The following NAALADL2 variants were observed in gnomAD, a reference collection of about 807,000 sequenced individuals.
The protein encoded by NAALADL2 is N-acetylated alpha-linked acidic dipeptidase like 2, also known as inactive N-acetylated-alpha-linked acidic dipeptidase-like protein 2.
In NAALADL2, 76 loss-of-function variants were observed where a neutral mutation model predicts 87.2. The observed-to-expected ratio is 0.87, with a 90% confidence interval of 0.72 to 1.05. The LOEUF (loss-of-function observed/expected upper bound fraction) is 1.05, where lower values mean the gene tolerates loss of function less well. Among genes scored for constraint, NAALADL2 ranks in the 50% least tolerant of loss-of-function variants. The probability of loss-of-function intolerance (pLI) is 0.00; values close to 1 mark genes in which losing one functional copy is unlikely to be tolerated. For synonymous variants in NAALADL2, 354 were observed against 331.0 expected (o/e 1.07, Z -0.75); for missense variants, 1,089 against 945.8 (o/e 1.15, Z -1.99).
intron 1 of NAALADL2, among the ~76,000 whole-genome samples, chr3:174,522,695 G>A (rs1465644194): frequency 6.6e-6 from 1 of 151,934 alleles, no homozygotes; most frequent in Non-Finnish European, 1.5e-5. Context: ...AGCACTTTGA[G>A]AGGCTGAGGC....
At chr3:174,813,959 C>T (rs940282759) in intron 3 of NAALADL2, among the ~76,000 whole-genome samples, 1 of 152,068 alleles carries the variant, frequency 6.6e-6, no homozygotes, top group Non-Finnish European at 1.5e-5. Flanking sequence ...GCACTCCACC[C>T]CACAGACATA....
At chr3:175,371,580 T>C (rs1187320998) in intron 5 of NAALADL2, among the ~76,000 whole-genome samples, 1 of 152,116 alleles carries the variant, frequency 6.6e-6, no homozygotes, top group Non-Finnish European at 1.5e-5. Context: ...ATCCCAGCTC[T>C]TTGGGAGGCC....
At chr3:175,696,801 C>T (rs923526097) in intron 11 of NAALADL2, among the ~76,000 whole-genome samples, 1 of 152,118 alleles carries the variant, frequency 6.6e-6, no homozygotes, top group Admixed American at 6.6e-5. Flanking sequence ...AGTCCAAGAA[C>T]ATGGCACCAA....
At chr3:175,795,588 C>T (rs1052287736) in intron 13 of NAALADL2, among the ~76,000 whole-genome samples, 2 of 151,202 alleles carry the variant, frequency 1.3e-5, no homozygotes, top group Non-Finnish European at 2.9e-5. Flanking sequence ...GGGGCAGAGG[C>T]AGGAGAATGG....
At chr3:175,264,498 A>T (rs1374021804) in intron 4 of NAALADL2, among the ~76,000 whole-genome samples, 1 of 151,810 alleles carries the variant, frequency 6.6e-6, no homozygotes. Context: ...TTACAGACAA[A>T]GTATTAGTCT....
chr3:174,894,816 C>A (rs1731307855), intron 1 of NAALADL2, among the ~76,000 whole-genome samples: 1 of 151,656 alleles, frequency 6.6e-6, no homozygotes, highest in Admixed American at 6.6e-5. Context: ...CATTCAAAAA[C>A]CTGAAATAAT....
At chr3:175,510,665 C>CA (rs1360121791) in intron 9 of NAALADL2, among the ~76,000 whole-genome samples, 1 of 152,158 alleles carries the variant, frequency 6.6e-6, no homozygotes, top group African/African-American at 2.4e-5. Context: ...GGGAGACACT[C>CA]AGAGAAGTTA....
intron 2 of NAALADL2, among the ~76,000 whole-genome samples, chr3:174,632,706 C>T (rs907751798): frequency 5.9e-5 from 9 of 152,030 alleles, no homozygotes; most frequent in African/African-American, 1.9e-4. Flanking sequence ...GAGGCTGAGG[C>T]AGGCAGATTG....
At position 175,803,120 on chromosome 3, in the gene NAALADL2, G is replaced by T; in HGVS notation, c.2305G>T (p.Val769Leu). ...NETLQEALSEVLNSINSAQVY... is the reference protein window; with the variant it reads ...NETLQEALSELLNSINSAQVY... ...GACCCTTCAAGAAGCCCTGTCAGAGGTGTTGAACAGCATTAATTCAGCTCA... is the reference window on the plus strand; with the variant it reads ...GACCCTTCAAGAAGCCCTGTCAGAGTTGTTGAACAGCATTAATTCAGCTCA... The change falls in exon 14 of 14, where the codon GTG becomes TTG. Residue 769 changes from valine (V) to leucine (L), a missense_variant. By Grantham distance (32) the Val-to-Leu change is conservative. Transcript: ENST00000454872. 6.2e-7 allele frequency: 1 copy of T among 1,612,510 alleles called. No individual in the cohort carries two copies. Among genetic ancestry groups the T allele is most frequent in the Non-Finnish European group, 8.5e-7 (1 of 1,179,010 alleles).
At chr3:175,128,499 C>T (rs1473314699) in intron 2 of NAALADL2, among the ~76,000 whole-genome samples, 2 of 152,080 alleles carry the variant, frequency 1.3e-5, no homozygotes, top group Non-Finnish European at 2.9e-5. Context: ...ATCCTATGGC[C>T]TGCTGAGATT....
Position 175,234,021 on chromosome 3 carries a change from A to G in NAALADL2, c.636A>G (p.Val212=). The change falls in exon 3 of 14, where the codon GTA becomes GTG. Residue 212 remains valine (V), a synonymous_variant. Coordinates refer to ENST00000454872, the MANE Select transcript of NAALADL2 (RefSeq NM_207015.3). The part of the protein sequence containing the change: ...TQWTSLGLED[V]QFVNYSVLLD... ...GGACCTCTTTGGGCCTAGAAGATGT[A>G]CAGTTTGTAAATTACTCTGTGCTGC... 1 of 1,613,868 alleles carries G rather than the reference A, an allele frequency of 6.2e-7. No homozygotes were observed. The highest frequency in any genetic ancestry group is 2.2e-5 in the East Asian group (1 of 44,868).
intron 1 of NAALADL2, among the ~76,000 whole-genome samples, chr3:174,956,556 T>C (rs1305076824): frequency 6.6e-6 from 1 of 152,102 alleles, no homozygotes; most frequent in Non-Finnish European, 1.5e-5. Context: ...TAAAAACTCC[T>C]GTAAATCACA....
chr3:174,810,901 C>A (rs1720107475), intron 3 of NAALADL2, among the ~76,000 whole-genome samples: 1 of 152,166 alleles, frequency 6.6e-6, no homozygotes, highest in South Asian at 2.1e-4. Flanking sequence ...AGACCTAGGG[C>A]CCTGCCACCC....
intron 9 of NAALADL2, among the ~76,000 whole-genome samples, chr3:175,544,128 G>C (rs1560732692): frequency 6.6e-6 from 1 of 152,150 alleles, no homozygotes; most frequent in Non-Finnish European, 1.5e-5. Context: ...GCTCAGTTGA[G>C]TTATGATCTT....
intron 1 of NAALADL2, among the ~76,000 whole-genome samples, chr3:175,071,622 C>A (rs144498028): frequency 6.6e-6 from 1 of 151,810 alleles, no homozygotes. Flanking sequence ...GATTGTGTAC[C>A]GTCCCCAATT....
intron 1 of NAALADL2, among the ~76,000 whole-genome samples, chr3:175,078,873 C>A (rs1463115814): frequency 1.3e-5 from 2 of 152,186 alleles, no homozygotes; most frequent in Admixed American, 1.3e-4. Flanking sequence ...TTTTTGGCTA[C>A]TATGATTAAT....
chr3:174,842,144 C>T (rs764548612), intron 3 of NAALADL2, among the ~76,000 whole-genome samples: 4 of 151,660 alleles, frequency 2.6e-5, no homozygotes, highest in South Asian at 2.1e-4. Flanking sequence ...CTCTGCCTGC[C>T]GGGTTCAAGT....
At chr3:174,542,271 C>G (rs1722315087) in intron 1 of NAALADL2, among the ~76,000 whole-genome samples, 1 of 152,132 alleles carries the variant, frequency 6.6e-6, no homozygotes, top group Non-Finnish European at 1.5e-5. Context: ...TCATTCACCC[C>G]TCAGAGAATA....
At chr3:175,712,390 T>C (rs1455290841) in intron 11 of NAALADL2, among the ~76,000 whole-genome samples, 1 of 152,030 alleles carries the variant, frequency 6.6e-6, no homozygotes, top group Non-Finnish European at 1.5e-5. Flanking sequence ...TCTTCCTTGC[T>C]GAGATGAAGT....
Sources: gnomAD v4.1 joint callset for allele counts (sites outside exome capture counted in the v4.1 genomes callset) on GRCh38, gnomAD v4.1.1 for gene constraint, MANE v1.5 for transcripts, NCBI Gene and HGNC (gene_info 2026-07-23, HGNC 2026-07-21) for gene names.